HPSE2: variants seen among roughly 807,000 people sequenced by gnomAD.
HPSE2 encodes heparanase 2 (inactive), also known as inactive heparanase-2.
A neutral mutation model predicts 60.5 loss-of-function variants in HPSE2; 38 were observed. The ratio of observed to expected loss-of-function variants is 0.63; its 90% CI spans 0.48 to 0.82. The LOEUF is 0.82. HPSE2 is among the 40% of genes least tolerant of loss of function. The probability of loss-of-function intolerance (pLI) is 0.00; values close to 1 mark genes in which losing one functional copy is unlikely to be tolerated. For synonymous variants in HPSE2, 295 were observed against 293.2 expected (o/e 1.01, Z -0.06); for missense variants, 713 against 740.4 (o/e 0.96, Z 0.43).
intron 3 of HPSE2, among the ~76,000 whole-genome samples, chr10:98,829,814 TTTCTC>T (rs1951640745): frequency 6.6e-6 from 1 of 152,216 alleles, no homozygotes; most frequent in South Asian, 2.1e-4. Context: ...ACCTCTCACT[TTTCTC>T]TAATACCACT....
At chr10:99,085,368 C>G (rs1008883864) in intron 3 of HPSE2, among the ~76,000 whole-genome samples, 3 of 152,216 alleles carry the variant, frequency 2.0e-5, no homozygotes, top group Admixed American at 6.5e-5. Context: ...CCATAGTGTG[C>G]CACGATGGGG....
At chr10:99,005,200 CCCA>C (rs1956863384) in intron 3 of HPSE2, among the ~76,000 whole-genome samples, 1 of 152,032 alleles carries the variant, frequency 6.6e-6, no homozygotes, top group South Asian at 2.1e-4. Flanking sequence ...TATGTGTTTT[CCCA>C]GATTTGAAAA....
intron 3 of HPSE2, among the ~76,000 whole-genome samples, chr10:98,878,002 A>G (rs1162325832): frequency 1.3e-5 from 2 of 151,942 alleles, no homozygotes; most frequent in East Asian, 3.9e-4. Flanking sequence ...AGAGAATGCT[A>G]ATATAGAGTA....
chr10:98,683,899 G>C (rs1947847618), intron 6 of HPSE2, among the ~76,000 whole-genome samples: 1 of 152,030 alleles, frequency 6.6e-6, no homozygotes. Context: ...GATCTTAAAA[G>C]TATCAAGACA....
At chr10:99,059,800 C>G (rs1220120223) in intron 3 of HPSE2, among the ~76,000 whole-genome samples, 2 of 152,004 alleles carry the variant, frequency 1.3e-5, no homozygotes, top group African/African-American at 4.8e-5. Context: ...GATAAAGATA[C>G]CAGGACATAA....
rs180941627 is a variant in HPSE2, at chr10:98,863,952, C to T, written c.611-119896G>A. The stretch of plus-strand genomic sequence containing the variant: ...CATATTATAAAATATGTACTATATA[C>T]GTATATGAATATATATATACACGTA... On this transcript the variant is annotated intron_variant, in intron 3 of 11. Transcript: ENST00000370552. 4.2e-3 allele frequency among the ~76,000 whole-genome samples: 616 copies of T among 147,698 alleles called. 4 individuals carry two copies. Among genetic ancestry groups the T allele is most frequent in the Non-Finnish European group, 4.9e-3 (330 of 67,528 alleles).
rs183278768 is a variant in HPSE2, at chr10:98,926,579, T to C, written c.611-182523A>G. Among the ~76,000 whole-genome samples the C allele has an allele frequency of 2.8e-4, 43 of 152,310 alleles. No homozygotes were observed. The East Asian group carries it at 7.3e-3, about 26-fold the overall frequency. On this transcript the variant is annotated intron_variant, in intron 3 of 11. Transcript: ENST00000370552. ...TCACCAACCTGTCTGCCTAAATACC[T>C]TTTTATTGTCTTCCCTTCTAATCAC...
chr10:98,721,325 AT>A (rs962497996), intron 5 of HPSE2, among the ~76,000 whole-genome samples: 20 of 151,528 alleles, frequency 1.3e-4, no homozygotes, highest in East Asian at 3.9e-4. Flanking sequence ...GTATAGAGTA[AT>A]TTTTTTTTGT....
chr10:98,575,177 T>C (rs979087139), intron 9 of HPSE2, among the ~76,000 whole-genome samples: 31 of 152,152 alleles, frequency 2.0e-4, no homozygotes, highest in African/African-American at 7.0e-4. Flanking sequence ...GAGAAGAATT[T>C]ACCTTCATTT....
At chr10:99,062,402 T>C (rs1376472141) in intron 3 of HPSE2, among the ~76,000 whole-genome samples, 1 of 152,212 alleles carries the variant, frequency 6.6e-6, no homozygotes, top group Non-Finnish European at 1.5e-5. Context: ...GAATGAAAGG[T>C]ACCATTCTTC....
At position 99,085,602 on chromosome 10, in the gene HPSE2, T is replaced by C. The variant is rs192138270; in HGVS notation, c.610+58636A>G. Among the ~76,000 whole-genome samples the C allele has an allele frequency of 4.6e-4, 70 of 152,258 alleles. No individual in the cohort carries two copies. In the East Asian group the frequency reaches 0.013, roughly 27 times the overall value. ...AAAACCTTCCTGAGTGGGTAAGGAATCATATTTATTAAAAGTATTGAGAGA... is the reference window on the plus strand; with the variant it reads ...AAAACCTTCCTGAGTGGGTAAGGAACCATATTTATTAAAAGTATTGAGAGA... On this transcript the variant is annotated intron_variant, in intron 3 of 11. Coordinates refer to ENST00000370552, the MANE Select transcript of HPSE2 (RefSeq NM_021828.5).
chr10:99,030,414 C>T (rs1957474029), intron 3 of HPSE2, among the ~76,000 whole-genome samples: 1 of 152,144 alleles, frequency 6.6e-6, no homozygotes, highest in Non-Finnish European at 1.5e-5. Context: ...AATTGATCAT[C>T]AGAGAAATAC....
At chr10:98,928,988 T>TAAATA (rs1554844603) in intron 3 of HPSE2, among the ~76,000 whole-genome samples, 1 of 130,902 alleles carries the variant, frequency 7.6e-6, no homozygotes, top group Non-Finnish European at 1.6e-5. Flanking sequence ...TAAAGTATAA[T>TAAATA]AATAAATAAA....
intron 6 of HPSE2, among the ~76,000 whole-genome samples, chr10:98,683,552 T>C (rs1947838428): frequency 6.6e-6 from 1 of 151,838 alleles, no homozygotes. Context: ...TTTTGAGGAA[T>C]AAAAAAGAGC....
intron 3 of HPSE2, among the ~76,000 whole-genome samples, chr10:98,877,455 A>G (rs773766472): frequency 2.6e-4 from 39 of 151,906 alleles, no homozygotes; most frequent in Non-Finnish European, 4.0e-4. Context: ...CTCAGCTGCT[A>G]TCTTGACATT....
At chr10:98,878,667 C>T (rs1952940255) in intron 3 of HPSE2, among the ~76,000 whole-genome samples, 2 of 151,870 alleles carry the variant, frequency 1.3e-5, no homozygotes, top group African/African-American at 4.8e-5. Flanking sequence ...TCAGAGCATG[C>T]AACAGGTTAT....
At chr10:98,573,680 C>A (rs1318691830) in intron 9 of HPSE2, among the ~76,000 whole-genome samples, 7 of 152,176 alleles carry the variant, frequency 4.6e-5, no homozygotes, top group Non-Finnish European at 8.8e-5. Context: ...ATGGGTCACA[C>A]AGGTCATGGC....
chr10:98,494,707 T>C (rs1941772866), intron 9 of HPSE2, among the ~76,000 whole-genome samples: 1 of 152,324 alleles, frequency 6.6e-6, no homozygotes, highest in Middle Eastern at 3.4e-3. Flanking sequence ...CAAAATTACA[T>C]CTTGATACAT....
chr10:99,281,967 T>C, the HPSE2 span, among the ~76,000 whole-genome samples: 1 of 152,042 alleles, frequency 6.6e-6, no homozygotes, highest in East Asian at 1.9e-4. Context: ...CAAAGAAAGT[T>C]ACAAAAGACA....
Sources: allele counts gnomAD v4.1 joint callset (sites outside exome capture counted in the v4.1 genomes callset), GRCh38; gene constraint gnomAD v4.1.1; transcripts MANE v1.5; gene names NCBI Gene and HGNC (gene_info 2026-07-23, HGNC 2026-07-21).